SEMA6D: variants seen among roughly 807,000 people sequenced by gnomAD.
SEMA6D encodes the protein semaphorin-6D.
A neutral mutation model predicts 106.6 loss-of-function variants in SEMA6D; 35 were observed. The observed-to-expected ratio is 0.33, with a 90% CI of 0.25 to 0.44. The LOEUF is 0.44. Ranked by LOEUF, SEMA6D falls within the 20% of genes least tolerant of loss-of-function variation. The pLI is 1.00. For synonymous variants in SEMA6D, 499 were observed against 487.7 expected (o/e 1.02, Z -0.31); for missense variants, 1,185 against 1,345.9 (o/e 0.88, Z 1.87).
At chr15:47,461,648 G>A (rs545971875) in intron 2 of SEMA6D, among the ~76,000 whole-genome samples, 4 of 152,098 alleles carry the variant, frequency 2.6e-5, no homozygotes, top group African/African-American at 9.6e-5. Flanking sequence ...TTCGGGAAAA[G>A]CTTCATCTTG....
intron 1 of SEMA6D, among the ~76,000 whole-genome samples, chr15:47,367,101 C>G (rs558128978): frequency 2.6e-5 from 4 of 152,288 alleles, no homozygotes; most frequent in Non-Finnish European, 5.9e-5. Context: ...GCATCTGCCT[C>G]ATAGAGTTGG....
chr15:47,215,265 A>G (rs1333872470), intron 1 of SEMA6D, among the ~76,000 whole-genome samples: 1 of 151,644 alleles, frequency 6.6e-6, no homozygotes, highest in Non-Finnish European at 1.5e-5. Flanking sequence ...TAACGGAAAA[A>G]AGAGCATTCT....
At chr15:47,455,986 G>T (rs1376663593) in intron 2 of SEMA6D, among the ~76,000 whole-genome samples, 3 of 151,948 alleles carry the variant, frequency 2.0e-5, no homozygotes, top group Non-Finnish European at 2.9e-5. Flanking sequence ...CTGCCATGAT[G>T]ATGATGGCGA....
chr15:47,496,809 C>T (rs1383515503), intron 3 of SEMA6D, among the ~76,000 whole-genome samples: 1 of 151,948 alleles, frequency 6.6e-6, no homozygotes, highest in African/African-American at 2.4e-5. Context: ...ACCTTCACTC[C>T]TCTCATCTAG....
intron 4 of SEMA6D, among the ~76,000 whole-genome samples, chr15:47,610,424 C>G (rs1184621070): frequency 2.6e-5 from 4 of 152,296 alleles, no homozygotes; most frequent in Middle Eastern, 6.8e-3. Context: ...AACCACATCT[C>G]CTCATCCTCA....
At chr15:47,657,902 G>A (rs1461951405) in intron 4 of SEMA6D, among the ~76,000 whole-genome samples, 20 of 151,014 alleles carry the variant, frequency 1.3e-4, no homozygotes, top group African/African-American at 2.9e-4. Flanking sequence ...CACCACGCCC[G>A]GCTAATTTTT....
chr15:47,487,810 C>T (rs1191532056), intron 3 of SEMA6D, among the ~76,000 whole-genome samples: 1 of 152,212 alleles, frequency 6.6e-6, no homozygotes, highest in Non-Finnish European at 1.5e-5. Flanking sequence ...TTGTTATCTA[C>T]ATGTTATCTA....
rs115326291 is a variant in SEMA6D at position 47,189,222 on chromosome 15, T to C, written c.-239+4804T>C. Among the ~76,000 whole-genome samples, 366 of 152,288 alleles carry C rather than the reference T, an allele frequency of 2.4e-3. 2 individuals are homozygous for C. The highest frequency in any genetic ancestry group is 8.6e-3 in the African/African-American group (357 of 41,562). On this transcript the variant is annotated intron_variant, in intron 1 of 19. Coordinates refer to the SEMA6D transcript ENST00000558014. ...TGTCTCTCTATCATTGGCTTTCCCC[T>C]TGCTACCCTGGCAGACCTGATTGAC... is the stretch of plus-strand genomic sequence containing the variant.
chr15:47,497,711 ATGTG>A (rs1484965892), intron 3 of SEMA6D, among the ~76,000 whole-genome samples: 1 of 152,098 alleles, frequency 6.6e-6, no homozygotes, highest in Non-Finnish European at 1.5e-5. Flanking sequence ...CTTGACCAAC[ATGTG>A]TAAAATCCCC....
intron 1 of SEMA6D, among the ~76,000 whole-genome samples, chr15:47,317,983 C>G: frequency 7.1e-6 from 1 of 141,206 alleles, no homozygotes; most frequent in Non-Finnish European, 1.6e-5. Context: ...GGCATTCCCA[C>G]TTTCTGCTTA....
chr15:47,618,359 G>A (rs1001334216), intron 4 of SEMA6D, among the ~76,000 whole-genome samples: 1 of 152,234 alleles, frequency 6.6e-6, no homozygotes, highest in Non-Finnish European at 1.5e-5. Flanking sequence ...TAAAAGGACT[G>A]CCCTGGAAAG....
At position 47,604,358 on chromosome 15, in the gene SEMA6D, C is replaced by T. The variant is rs148924420; in HGVS notation, c.-55+3462C>T. Among the ~76,000 whole-genome samples the T allele has an allele frequency of 2.8e-4, 43 of 152,164 alleles. 1 individual carries two copies. Among genetic ancestry groups the T allele is most frequent in the African/African-American group, 7.7e-4 (32 of 41,520 alleles). ...AAAAGACTCTACAATCCATCCGGTC[C>T]GATAAACTTAAGAGAAAAATAAAGC... is the stretch of plus-strand genomic sequence containing the variant. On this transcript the variant is annotated intron_variant, in intron 4 of 19. Coordinates refer to the SEMA6D transcript ENST00000558014.
intron 3 of SEMA6D, among the ~76,000 whole-genome samples, chr15:47,483,796 A>T (rs370999031): frequency 7.9e-5 from 12 of 152,208 alleles, no homozygotes; most frequent in African/African-American, 2.9e-4. Flanking sequence ...ATCTGTTAAA[A>T]ATCTCTTCAT....
chr15:47,451,875 T>C (rs1456648885), intron 2 of SEMA6D, among the ~76,000 whole-genome samples: 5 of 152,026 alleles, frequency 3.3e-5, no homozygotes, highest in Admixed American at 6.6e-5. Flanking sequence ...TTAGTGGACA[T>C]TGAATGGTAC....
intron 1 of SEMA6D, among the ~76,000 whole-genome samples, chr15:47,208,006 C>T: frequency 9.4e-6 from 1 of 106,610 alleles, no homozygotes; most frequent in South Asian, 2.8e-4. Flanking sequence ...CACACACACA[C>T]ACACACACAC....
At chr15:47,507,524 A>G (rs1189253775) in intron 3 of SEMA6D, among the ~76,000 whole-genome samples, 1 of 152,204 alleles carries the variant, frequency 6.6e-6, no homozygotes. Flanking sequence ...GTTCTCAGGC[A>G]TGCCTACGGA....
intron 1 of SEMA6D, among the ~76,000 whole-genome samples, chr15:47,385,856 G>A (rs984477261): frequency 2.0e-5 from 3 of 152,170 alleles, no homozygotes; most frequent in African/African-American, 7.2e-5. Context: ...CACTTATTAT[G>A]TTAGCAAGGA....
At chr15:47,584,849 A>C (rs1007356117) in intron 3 of SEMA6D, among the ~76,000 whole-genome samples, 21 of 152,162 alleles carry the variant, frequency 1.4e-4, no homozygotes, top group African/African-American at 4.3e-4. Flanking sequence ...AAACCAGACC[A>C]TGCTTCTCTT....
At chr15:47,741,785 CAT>C (rs889023431) in intron 1 of SEMA6D, among the ~76,000 whole-genome samples, 3 of 152,096 alleles carry the variant, frequency 2.0e-5, no homozygotes, top group Non-Finnish European at 4.4e-5. Flanking sequence ...GTAGAGCAGA[CAT>C]GTGAAATATT....
Sources: gnomAD v4.1 joint callset for allele counts (sites outside exome capture counted in the v4.1 genomes callset) on GRCh38, gnomAD v4.1.1 for gene constraint, MANE v1.5 for transcripts, NCBI Gene and HGNC (gene_info 2026-07-23, HGNC 2026-07-21) for gene names.